The following GRID1 variants were observed in gnomAD, a reference collection of about 807,000 sequenced individuals.
GRID1 encodes glutamate receptor ionotropic, delta-1.
A neutral mutation model predicts 98.0 loss-of-function variants in GRID1; 28 were observed. The ratio of observed to expected loss-of-function variants is 0.29; its 90% CI spans 0.21 to 0.39. The LOEUF (loss-of-function observed/expected upper bound fraction) is 0.39. GRID1 is among the 10% of genes least tolerant of loss of function. GRID1 has a pLI of 1.00. For missense variants in GRID1, 1,111 were observed against 1,340.5 expected (o/e 0.83, Z 2.67); for synonymous variants, 553 against 538.5 (o/e 1.03, Z -0.37).
chr10:86,071,394 G>A (rs1843802017), intron 4 of GRID1, among the ~76,000 whole-genome samples: 1 of 152,192 alleles, frequency 6.6e-6, no homozygotes, highest in Non-Finnish European at 1.5e-5. Context: ...TAGAAGCTCG[G>A]CAAGTTCCTT....
chr10:85,958,556 GT>G (rs568538015), intron 4 of GRID1, among the ~76,000 whole-genome samples: 142 of 152,276 alleles, frequency 9.3e-4, no homozygotes, highest in African/African-American at 3.2e-3. Flanking sequence ...GTCTGTGAGG[GT>G]GTTTCTGGAT....
At chr10:86,131,797 A>G (rs937923857) in intron 4 of GRID1, among the ~76,000 whole-genome samples, 3 of 152,160 alleles carry the variant, frequency 2.0e-5, no homozygotes, top group African/African-American at 7.2e-5. Flanking sequence ...AGTGTTAAGA[A>G]TGTGTTTCAT....
At chr10:85,942,551 G>A (rs1387936177) in intron 4 of GRID1, among the ~76,000 whole-genome samples, 1 of 152,166 alleles carries the variant, frequency 6.6e-6, no homozygotes, top group Non-Finnish European at 1.5e-5. Context: ...TGCAGCTACT[G>A]TAATCTTTAT....
At chr10:85,884,036 C>A (rs1841076902) in intron 5 of GRID1, among the ~76,000 whole-genome samples, 1 of 152,142 alleles carries the variant, frequency 6.6e-6, no homozygotes, top group Non-Finnish European at 1.5e-5. Flanking sequence ...AAGAAAAAAT[C>A]TCAGGGTTTT....
intron 12 of GRID1, among the ~76,000 whole-genome samples, chr10:85,652,832 G>A (rs541213640): frequency 7.9e-5 from 12 of 152,056 alleles, no homozygotes; most frequent in South Asian, 4.2e-4. Flanking sequence ...TCATTCACTC[G>A]TCATTCAAAA....
intron 4 of GRID1, among the ~76,000 whole-genome samples, chr10:86,030,081 A>T (rs575029428): frequency 5.3e-4 from 80 of 152,368 alleles, no homozygotes; most frequent in Non-Finnish European, 9.6e-4. Flanking sequence ...AAGGGATAAT[A>T]GTTACCAACA....
intron 8 of GRID1, among the ~76,000 whole-genome samples, chr10:85,731,573 G>A (rs1841822438): frequency 6.6e-6 from 1 of 152,046 alleles, no homozygotes; most frequent in African/African-American, 2.4e-5. Flanking sequence ...GGCCAAGGTG[G>A]GTGGATCGCT....
intron 8 of GRID1, among the ~76,000 whole-genome samples, chr10:85,811,645 A>G (rs1842672710): frequency 6.6e-6 from 1 of 152,216 alleles, no homozygotes; most frequent in African/African-American, 2.4e-5. Flanking sequence ...ATCTTTTGAA[A>G]TAACAAAAGC....
intron 2 of GRID1, among the ~76,000 whole-genome samples, chr10:86,236,164 A>G (rs952892800): frequency 6.6e-6 from 1 of 152,184 alleles, no homozygotes; most frequent in Non-Finnish European, 1.5e-5. Context: ...TCTTTTCTGC[A>G]TGTTTATTTG....
At chr10:86,252,051 C>G (rs1846844376) in intron 2 of GRID1, among the ~76,000 whole-genome samples, 1 of 152,236 alleles carries the variant, frequency 6.6e-6, no homozygotes. Context: ...CATGAGGAAA[C>G]TGAGGCTCTG....
At chr10:85,704,878 A>G (rs1254368602) in intron 12 of GRID1, among the ~76,000 whole-genome samples, 4 of 152,248 alleles carry the variant, frequency 2.6e-5, no homozygotes, top group African/African-American at 7.2e-5. Flanking sequence ...TACTGGGTAC[A>G]TAACGAAAGG....
chr10:86,216,554 T>TGAATG (rs1235190379), intron 2 of GRID1, among the ~76,000 whole-genome samples: 1 of 152,148 alleles, frequency 6.6e-6, no homozygotes, highest in Non-Finnish European at 1.5e-5. Context: ...AGTCCCTGCA[T>TGAATG]GAATGAGTCA....
At chr10:86,185,223 T>C (rs1238542830) in intron 3 of GRID1, among the ~76,000 whole-genome samples, 2 of 152,112 alleles carry the variant, frequency 1.3e-5, no homozygotes, top group Non-Finnish European at 2.9e-5. Flanking sequence ...TATCCCTAAA[T>C]AATTCCCATT....
chr10:85,769,521 G>T (rs1842233748), intron 8 of GRID1, among the ~76,000 whole-genome samples: 1 of 152,190 alleles, frequency 6.6e-6, no homozygotes, highest in Non-Finnish European at 1.5e-5. Context: ...GCAGGGCGAG[G>T]CATTGCCTCA....
intron 2 of GRID1, among the ~76,000 whole-genome samples, chr10:86,358,305 T>C (rs910078914): frequency 2.6e-5 from 4 of 152,026 alleles, no homozygotes; most frequent in African/African-American, 9.7e-5. Flanking sequence ...GGAAGGAAAG[T>C]GGAGGTGGAC....
intron 8 of GRID1, among the ~76,000 whole-genome samples, chr10:85,811,808 C>T (rs960311677): frequency 3.9e-5 from 6 of 152,082 alleles, no homozygotes; most frequent in Non-Finnish European, 8.8e-5. Flanking sequence ...CAGAAAACTT[C>T]CCAAGTCTAG....
At chr10:86,361,395 C>T (rs1454234782) in intron 2 of GRID1, among the ~76,000 whole-genome samples, 1 of 152,240 alleles carries the variant, frequency 6.6e-6, no homozygotes, top group Admixed American at 6.5e-5. Flanking sequence ...GGGCAGCAGG[C>T]AGCCCACCAA....
At chr10:85,893,481 A>C (rs924685763) in intron 5 of GRID1, among the ~76,000 whole-genome samples, 2 of 152,174 alleles carry the variant, frequency 1.3e-5, no homozygotes, top group Non-Finnish European at 2.9e-5. Flanking sequence ...ATATCGAAAA[A>C]TCCCAGGAAA....
intron 2 of GRID1, among the ~76,000 whole-genome samples, chr10:86,272,596 A>G (rs576189859): frequency 6.6e-6 from 1 of 152,348 alleles, no homozygotes; most frequent in African/African-American, 2.4e-5. Flanking sequence ...ACACTCTTCT[A>G]TGTTCCCCCT....
Sources: allele counts gnomAD v4.1 joint callset (sites outside exome capture counted in the v4.1 genomes callset), GRCh38; gene constraint gnomAD v4.1.1; transcripts MANE v1.5; gene names NCBI Gene and HGNC (gene_info 2026-07-23, HGNC 2026-07-21).